Variants in AGBL1 observed in about 807,000 individuals in gnomAD.
AGBL1 encodes cytosolic carboxypeptidase 4.
A neutral mutation model predicts 118.9 loss-of-function variants in AGBL1; 130 were observed. The observed-to-expected ratio is 1.09, with a 90% CI of 0.95 to 1.26. The LOEUF (loss-of-function observed/expected upper bound fraction) is 1.26, where lower values mean the gene tolerates loss of function less well. Among genes scored for constraint, AGBL1 ranks in the 50% most tolerant of loss-of-function variants. The pLI is 0.00. For synonymous variants in AGBL1, 555 were observed against 478.9 expected (o/e 1.16, Z -2.08); for missense variants, 1,584 against 1,298.1 (o/e 1.22, Z -3.38).
At chr15:86,981,139 G>A (rs948223825) in intron 23 of AGBL1, among the ~76,000 whole-genome samples, 3 of 151,858 alleles carry the variant, frequency 2.0e-5, no homozygotes, top group Admixed American at 1.3e-4. Context: ...CACCCACCTC[G>A]GCCTCCCAAA....
chr15:86,488,588 A>T lies in AGBL1; in HGVS notation c.2556-34222A>T, dbSNP rs996614554. Among the ~76,000 whole-genome samples the T allele has an allele frequency of 6.6e-5, 10 of 152,042 alleles. 1 individual carries two copies. The highest frequency in any genetic ancestry group is 6.3e-3 in the Middle Eastern group (2 of 316). ...CACCACCTGCACCACCATACACATGATTGGGAGCAGAGCCTCTTGTTTCCT... is the reference window on the plus strand; with the variant it reads ...CACCACCTGCACCACCATACACATGTTTGGGAGCAGAGCCTCTTGTTTCCT... On this transcript the variant is annotated intron_variant, in intron 18 of 22. Coordinates refer to ENST00000614907, the MANE Select transcript of AGBL1 (RefSeq NM_001386094.1).
intron 17 of AGBL1, among the ~76,000 whole-genome samples, chr15:86,305,925 T>G (rs2079833189): frequency 6.6e-6 from 1 of 152,178 alleles, no homozygotes; most frequent in Admixed American, 6.5e-5. Context: ...TGTAAGAGAT[T>G]ATTTTCTTCC....
chr15:86,748,510 C>CTTTTTTTTTTTTT lies in AGBL1; in HGVS notation c.3158+74098_3158+74110dup. On this transcript the variant is annotated intron_variant, in intron 22 of 22. Transcript: ENST00000614907. ...ATTAGATCCCATTTGTCAATTTTGG[C>CTTTTTTTTTTTTT]TTTTTTTTTTTTTTTTTTTTTTTTT... 4.8e-3 allele frequency among the ~76,000 whole-genome samples: 47 copies of CTTTTTTTTTTTTT among 9,776 alleles called. 18 individuals are homozygous for CTTTTTTTTTTTTT. Among genetic ancestry groups the CTTTTTTTTTTTTT allele is most frequent in the Non-Finnish European group, 7.7e-3 (29 of 3,752 alleles). 6.4% of individuals were successfully genotyped at this position (9,776 alleles called of 152,430 possible).
chr15:86,196,865 ATGTGCGCGCGCGCG>A (rs778748289), intron 5 of AGBL1, among the ~76,000 whole-genome samples: 2,660 of 85,294 alleles, frequency 0.031, 37 homozygotes, highest in African/African-American at 0.063. Context: ...GAATGTGCAC[ATGTGCGCGCGCGCG>A]CACACACACA....
At chr15:86,416,793 A>G (rs1035682563) in intron 18 of AGBL1, among the ~76,000 whole-genome samples, 12 of 152,200 alleles carry the variant, frequency 7.9e-5, no homozygotes, top group African/African-American at 2.9e-4. Context: ...ATTGAGAATC[A>G]TTTTGTTCAA....
chr15:86,837,767 A>G (rs1175556512), intron 22 of AGBL1, among the ~76,000 whole-genome samples: 1 of 152,200 alleles, frequency 6.6e-6, no homozygotes, highest in Non-Finnish European at 1.5e-5. Flanking sequence ...GTTTTGGATT[A>G]GAGCGTGAGA....
intron 22 of AGBL1, among the ~76,000 whole-genome samples, chr15:86,863,525 A>G (rs1021212303): frequency 1.3e-5 from 2 of 150,974 alleles, no homozygotes; most frequent in African/African-American, 4.9e-5. Flanking sequence ...TACTGGGCTC[A>G]GTTTTCTTTG....
chr15:86,834,360 A>G (rs749704732), intron 22 of AGBL1, among the ~76,000 whole-genome samples: 44 of 152,142 alleles, frequency 2.9e-4, no homozygotes, highest in Non-Finnish European at 2.8e-4. Context: ...GGAGATCATG[A>G]ATGTCATGGT....
chr15:86,087,384 A>G (rs1312905034), intron 1 of AGBL1, among the ~76,000 whole-genome samples: 1 of 148,034 alleles, frequency 6.8e-6, no homozygotes, highest in African/African-American at 2.5e-5. Flanking sequence ...GCTGGAGTGC[A>G]GTGGCACGAT....
At chr15:86,559,702 T>G (rs1232030962) in intron 21 of AGBL1, among the ~76,000 whole-genome samples, 1 of 152,168 alleles carries the variant, frequency 6.6e-6, no homozygotes, top group Non-Finnish European at 1.5e-5. Flanking sequence ...TTATTCCTAT[T>G]TTACAAATGA....
intron 20 of AGBL1, among the ~76,000 whole-genome samples, chr15:86,550,451 A>T (rs2142262472): frequency 6.6e-6 from 1 of 152,312 alleles, no homozygotes; most frequent in East Asian, 1.9e-4. Flanking sequence ...TACACCATGC[A>T]AATGGTAACC....
chr15:87,026,075 C>A (rs537233804), intron 24 of AGBL1, among the ~76,000 whole-genome samples: 2 of 152,058 alleles, frequency 1.3e-5, no homozygotes, highest in East Asian at 3.9e-4. Context: ...ATAGGAAAAA[C>A]CCTTATAGAC....
intron 22 of AGBL1, among the ~76,000 whole-genome samples, chr15:86,723,307 A>C (rs964140479): frequency 1.3e-4 from 20 of 152,252 alleles, no homozygotes; most frequent in African/African-American, 4.8e-4. Flanking sequence ...CATATACACC[A>C]TGGAATAGTA....
Position 86,923,683 on chromosome 15 carries a change from TTA to T in AGBL1, c.3222-64302_3222-64301del, listed in dbSNP as rs559901693. 1.1e-4 allele frequency among the ~76,000 whole-genome samples: 16 copies of T among 152,326 alleles called. No homozygotes were observed. The South Asian group carries it at 3.3e-3, about 32-fold the overall frequency. Reference sequence around the variant, plus strand: ...AGTACACTATTCCCTGAAAGCAAGGTTATGTCTTTTTTATATCATTCATCATT... The same window carrying T: ...AGTACACTATTCCCTGAAAGCAAGGTTGTCTTTTTTATATCATTCATCATT... On this transcript the variant is annotated intron_variant, in intron 23 of 24. Coordinates refer to the AGBL1 transcript ENST00000441037.
chr15:86,712,481 G>T (rs2142692476), intron 22 of AGBL1, among the ~76,000 whole-genome samples: 1 of 152,138 alleles, frequency 6.6e-6, no homozygotes, highest in South Asian at 2.1e-4. Flanking sequence ...AGTGGAATAT[G>T]AAACTTAATG....
chr15:86,736,573 C>G (rs1364745729), intron 22 of AGBL1, among the ~76,000 whole-genome samples: 1 of 152,156 alleles, frequency 6.6e-6, no homozygotes, highest in African/African-American at 2.4e-5. Flanking sequence ...AGTGATGTCA[C>G]TGGCATTCAA....
intron 17 of AGBL1, among the ~76,000 whole-genome samples, chr15:86,316,353 C>G (rs191335346): frequency 6.6e-6 from 1 of 152,032 alleles, no homozygotes; most frequent in African/African-American, 2.4e-5. Context: ...TGTATTCCTC[C>G]TCTTTCTCTC....
intron 8 of AGBL1, among the ~76,000 whole-genome samples, chr15:86,257,375 A>G (rs1488110816): frequency 6.6e-6 from 1 of 152,228 alleles, no homozygotes; most frequent in East Asian, 1.9e-4. Flanking sequence ...CCTAAGGATG[A>G]AATTGAAATA....
chr15:87,028,951 A>G, exon 25 of AGBL1: 2 of 1,262,338 alleles, frequency 1.6e-6, no homozygotes, highest in Non-Finnish European at 2.3e-6. Flanking sequence ...TGTCTTATGG[A>G]AAATGTTGCT....
Sources: allele counts gnomAD v4.1 joint callset (sites outside exome capture counted in the v4.1 genomes callset), GRCh38; gene constraint gnomAD v4.1.1; transcripts MANE v1.5; gene names NCBI Gene and HGNC (gene_info 2026-07-23, HGNC 2026-07-21).